PUM3: variants seen among roughly 807,000 people sequenced by gnomAD.
PUM3 encodes the protein pumilio homolog 3.
In PUM3, 91 loss-of-function variants were observed where a neutral mutation model predicts 84.0. The observed-to-expected ratio is 1.08, with a 90% CI of 0.91 to 1.29. The LOEUF (loss-of-function observed/expected upper bound fraction) is 1.29. Among genes scored for constraint, PUM3 ranks in the 50% most tolerant of loss-of-function variants. The pLI, the probability that PUM3 is intolerant of heterozygous loss-of-function variation, is 0.00. For synonymous variants in PUM3, 321 were observed against 266.7 expected (o/e 1.20, Z -1.98); for missense variants, 1,067 against 767.5 (o/e 1.39, Z -4.61).
chr9:2,812,432 C>T, intron 13 of PUM3, 70 bp from the exon 14 acceptor site: 1 of 1,081,378 alleles, frequency 9.2e-7, no homozygotes, highest in Non-Finnish European at 1.3e-6. Flanking sequence ...CAGGACCTTT[C>T]TTCCATATTT....
chr9:2,813,552 T>G (rs1310079767), intron 13 of PUM3, among the ~76,000 whole-genome samples: 1 of 152,128 alleles, frequency 6.6e-6, no homozygotes, highest in Admixed American at 6.6e-5. Flanking sequence ...CCAAATCTAG[T>G]CTCTTTCAAA....
Position 2,829,852 on chromosome 9 carries a change from T to C in PUM3, c.774A>G (p.Ala258=), listed in dbSNP as rs772524583. The change falls in exon 8 of 18, where the codon GCA becomes GCG. Residue 258 remains alanine, a synonymous_variant. Transcript: ENST00000397885. ...GCTCCAAAATGGCTTTGTCATTGTATGCGTACTCCACGATGGCTGATGCTT... is the reference window on the plus strand; with the variant it reads ...GCTCCAAAATGGCTTTGTCATTGTACGCGTACTCCACGATGGCTGATGCTT... The part of the protein sequence containing the change: ...HAEASAIVEY[A]YNDKAILEQR... 13 of 1,614,044 alleles carry C rather than the reference T, an allele frequency of 8.1e-6. No individual in the cohort carries two copies. In the South Asian group the frequency reaches 1.1e-4, roughly 14 times the overall value.
chr9:2,831,003 G>C lies in PUM3; in HGVS notation c.636C>G (p.Ala212=), dbSNP rs753362745. The C allele has an allele frequency of 6.7e-7, 1 of 1,492,314 alleles. No homozygotes were observed. Among genetic ancestry groups the C allele is most frequent in the Non-Finnish European group, 9.3e-7 (1 of 1,075,226 alleles). The allele number at this position is 1,492,314 out of a possible 1,614,324, so 92.4% of individuals were successfully genotyped here. A position where few individuals can be genotyped will look rare whatever the true frequency, so the allele number is the denominator to read the frequency against. Residue 212 remains alanine (A), a synonymous_variant, in exon 7 of 18, where the codon GCC becomes GCG. Transcript: ENST00000397885. The part of the protein sequence containing the change: ...LRDDLVELSK[A]KYSRNIVKKF... Reference sequence around the variant, plus strand: ...TCTTAACAATATTTCTCGAATATTTGGCTTTACTTAACTCAACCAAATCAT... The same window carrying C: ...TCTTAACAATATTTCTCGAATATTTCGCTTTACTTAACTCAACCAAATCAT...
chr9:2,842,826 G>A (rs1442874202), intron 1 of PUM3, among the ~76,000 whole-genome samples: 1 of 151,992 alleles, frequency 6.6e-6, no homozygotes, highest in Non-Finnish European at 1.5e-5. Context: ...TTATGTTATT[G>A]TTGTTTGCCC....
rs757792286 is a variant in PUM3 at position 2,804,375 on chromosome 9, T to TG, written c.1902dup (p.Thr635HisfsTer10). 1 of 1,614,030 alleles carries TG rather than the reference T, an allele frequency of 6.2e-7. No homozygotes were observed. Among genetic ancestry groups the TG allele is most frequent in the South Asian group, 1.1e-5 (1 of 91,034 alleles). ...AGTAGAATTTCTATTCCTTTGCTGGTGCTTTTGGTTTTTTCCAATGTAGGA... is the reference window on the plus strand; with the variant it reads ...AGTAGAATTTCTATTCCTTTGCTGGTGGCTTTTGGTTTTTTCCAATGTAGGA... On this transcript the variant is annotated frameshift_variant, in exon 18 of 18. Coordinates refer to ENST00000397885, the MANE Select transcript of PUM3 (RefSeq NM_014878.5). LOFTEE classifies it high-confidence loss of function.
At chr9:2,809,576 G>A (rs1048828118) in intron 16 of PUM3, among the ~76,000 whole-genome samples, 8 of 152,056 alleles carry the variant, frequency 5.3e-5, no homozygotes, top group East Asian at 1.9e-4. Context: ...GCCACTTGCC[G>A]CAAGACATGA....
rs185441455 is a variant in PUM3, at chr9:2,823,606, T to C, written c.1188+175A>G. Among the ~76,000 whole-genome samples the C allele has an allele frequency of 5.6e-4, 85 of 152,298 alleles. 3 individuals are homozygous for C. The highest frequency in any genetic ancestry group is 5.1e-3 in the Admixed American group (78 of 15,296). ...AAAGGAGAAAAGAATGCATGTGACA[T>C]GATTTCCATTTTGTGTAGATAAAAT... On this transcript the variant is annotated intron_variant, in intron 12 of 17. Coordinates refer to ENST00000397885, the MANE Select transcript of PUM3 (RefSeq NM_014878.5).
intron 5 of PUM3, among the ~76,000 whole-genome samples, chr9:2,832,286 A>G (rs1702457122): frequency 6.6e-6 from 1 of 152,228 alleles, no homozygotes; most frequent in Non-Finnish European, 1.5e-5. Flanking sequence ...AGCAACAATA[A>G]GAATGAGCTG....
chr9:2,834,222 C>A, intron 3 of PUM3, 56 bp from the exon 4 acceptor site: 1 of 1,485,070 alleles, frequency 6.7e-7, no homozygotes, highest in Non-Finnish European at 9.2e-7. Flanking sequence ...TGTCATACAC[C>A]AATACAAATT....
In PUM3 at chr9:2,827,227, G is replaced by A. The variant is rs1024968693; in HGVS notation, c.957-76C>T. ...TCATACAAAGACAGGTAATCTCAAA[G>A]TCCTAAAGTAATCTAAACAAGTGAA... On this transcript the variant is annotated intron_variant, in intron 9 of 17. Transcript: ENST00000397885. The A allele has an allele frequency of 7.3e-6, 7 of 957,244 alleles. 1 individual carries two copies. In the Admixed American group the frequency reaches 1.3e-4, roughly 17 times the overall value. The allele number at this position is 957,244 out of a possible 1,614,324, so 59.3% of individuals were successfully genotyped here.
At chr9:2,816,643 T>A (rs1483630289) in intron 13 of PUM3, among the ~76,000 whole-genome samples, 1 of 152,112 alleles carries the variant, frequency 6.6e-6, no homozygotes, top group African/African-American at 2.4e-5. Context: ...TTTCCTACAG[T>A]CCCTCCCACA....
In PUM3 at chr9:2,843,166, G is replaced by GA. The variant is rs933805667; in HGVS notation, c.-11+878dup. 5.3e-5 allele frequency among the ~76,000 whole-genome samples: 8 copies of GA among 151,538 alleles called. 1 individual carries two copies. The highest frequency in any genetic ancestry group is 3.9e-4 in the East Asian group (2 of 5,152). On this transcript the variant is annotated intron_variant, in intron 1 of 17. Coordinates refer to ENST00000397885, the MANE Select transcript of PUM3 (RefSeq NM_014878.5). ...AACGGAAATGTTTTCCTATTGTACA[G>GA]AAAAAAAAATTCCCCATCATGACCT...
In PUM3 at chr9:2,837,372, T is replaced by C. The variant is rs760274848; in HGVS notation, c.112A>G (p.Arg38Gly). The C allele has an allele frequency of 6.2e-7, 1 of 1,613,218 alleles. No homozygotes were observed. The highest frequency in any genetic ancestry group is 8.5e-7 in the Non-Finnish European group (1 of 1,179,376). Residue 38 changes from arginine to glycine, a missense_variant, in exon 3 of 18, where the codon AGG (arginine) becomes GGG (glycine). Physicochemically the swap from Arg to Gly is moderately radical, Grantham distance 125 (BLOSUM62 -2). Transcript: ENST00000397885. ...GGTCCACCTTCTTTAGCAACTTTCC[T>C]TGTTGGAAATGTCTTTGAAGAACCA... The part of the protein sequence containing the change: ...DSGSSKTFPT[R>G]KVAKEGGPKV...
chr9:2,822,160 G>A (rs1815661723), intron 12 of PUM3, among the ~76,000 whole-genome samples: 1 of 152,122 alleles, frequency 6.6e-6, no homozygotes, highest in Admixed American at 6.5e-5. Context: ...CACAAGTATA[G>A]TTGGAAATTT....
At chr9:2,827,611 T>C (rs978533886) in intron 9 of PUM3, among the ~76,000 whole-genome samples, 5 of 152,186 alleles carry the variant, frequency 3.3e-5, no homozygotes, top group Admixed American at 1.3e-4. Context: ...TGTCAGCAAT[T>C]GCAACAACAC....
intron 12 of PUM3, among the ~76,000 whole-genome samples, chr9:2,823,409 A>G (rs984702259): frequency 7.2e-5 from 11 of 152,114 alleles, no homozygotes; most frequent in Non-Finnish European, 1.0e-4. Context: ...CTGAAGTGCA[A>G]TCTGGCATCA....
At chr9:2,816,036 G>C (rs1821460813) in intron 13 of PUM3, among the ~76,000 whole-genome samples, 1 of 152,196 alleles carries the variant, frequency 6.6e-6, no homozygotes. Flanking sequence ...TCAAAATAAA[G>C]ATACACACAT....
At chr9:2,842,848 A>C (rs1307811881) in intron 1 of PUM3, among the ~76,000 whole-genome samples, 1 of 152,176 alleles carries the variant, frequency 6.6e-6, no homozygotes, top group African/African-American at 2.4e-5. Flanking sequence ...ACAAACAACA[A>C]TATACTATTT....
chr9:2,823,631 T>C (rs536558167), intron 12 of PUM3, 150 bp downstream of exon 12: 1 of 440,960 alleles, frequency 2.3e-6, no homozygotes, highest in Admixed American at 4.1e-5. Context: ...GTAGATAAAA[T>C]ATGAAAATAC....
Sources: gnomAD v4.1 joint callset for allele counts (sites outside exome capture counted in the v4.1 genomes callset) on GRCh38, gnomAD v4.1.1 for gene constraint, MANE v1.5 for transcripts, NCBI Gene and HGNC (gene_info 2026-07-23, HGNC 2026-07-21) for gene names.